TENM3: variants seen among roughly 807,000 people sequenced by gnomAD.
TENM3 encodes the protein teneurin-3.
Under a neutral mutation model 255.1 loss-of-function variants are expected in TENM3, and 63 were observed. The observed-to-expected ratio is 0.25, with a 90% CI of 0.20 to 0.30. The LOEUF (loss-of-function observed/expected upper bound fraction) is 0.30. Among genes scored for constraint, TENM3 ranks in the 10% least tolerant of loss-of-function variants. TENM3 has a pLI of 1.00. For synonymous variants in TENM3, 1,306 were observed against 1,322.3 expected (o/e 0.99, Z 0.27); for missense variants, 2,929 against 3,461.1 (o/e 0.85, Z 3.86).
the TENM3 span, among the ~76,000 whole-genome samples, chr4:181,676,213 G>A: frequency 3.3e-5 from 5 of 151,984 alleles, no homozygotes; most frequent in Non-Finnish European, 5.9e-5. Context: ...ATGCATACTG[G>A]CCTAAATTGC....
At chr4:182,071,330 T>C in the TENM3 span, among the ~76,000 whole-genome samples, 1 of 152,222 alleles carries the variant, frequency 6.6e-6, no homozygotes, top group Non-Finnish European at 1.5e-5. Flanking sequence ...TCTGCTCAGC[T>C]ACCTCCAGGA....
At chr4:181,752,059 G>A in the TENM3 span, among the ~76,000 whole-genome samples, 58,986 of 151,866 alleles carry the variant, frequency 0.39, 11,777 homozygotes, top group African/African-American at 0.49. Context: ...TTTTAAACTC[G>A]TTAGCTTAAA....
chr4:182,149,108 A>G (rs1458204793), intron 1 of TENM3, among the ~76,000 whole-genome samples: 1 of 152,130 alleles, frequency 6.6e-6, no homozygotes, highest in East Asian at 1.9e-4. Flanking sequence ...AAGGAAAAAA[A>G]CTTGATAAGA....
chr4:182,195,406 A>C (rs1270482354), intron 1 of TENM3, among the ~76,000 whole-genome samples: 1 of 152,136 alleles, frequency 6.6e-6, no homozygotes, highest in African/African-American at 2.4e-5. Context: ...TGGGAGGCCA[A>C]AGTGGGAGGA....
At chr4:181,467,353 T>G in the TENM3 span, among the ~76,000 whole-genome samples, 1 of 150,994 alleles carries the variant, frequency 6.6e-6, no homozygotes, top group African/African-American at 2.4e-5. Context: ...CAGGCTGGTC[T>G]TGAACTCCTG....
At chr4:181,527,572 G>A in the TENM3 span, among the ~76,000 whole-genome samples, 1 of 150,970 alleles carries the variant, frequency 6.6e-6, no homozygotes, top group Non-Finnish European at 1.5e-5. Flanking sequence ...TTTGGCCATG[G>A]CCAGGCTGGT....
chr4:182,158,030 A>G (rs1167120950), intron 1 of TENM3, among the ~76,000 whole-genome samples: 1 of 152,248 alleles, frequency 6.6e-6, no homozygotes, highest in Non-Finnish European at 1.5e-5. Context: ...ACTGTTAGAA[A>G]AACAACAGAG....
rs1743826047 is a variant in TENM3 at position 182,566,717 on chromosome 4, A to G, written c.512-34207A>G. On this transcript the variant is annotated intron_variant, in intron 3 of 27. Transcript: ENST00000511685. ...GGAATGTCATTATGCATTTACAAAG[A>G]TGCACACCTGTTTGGAATATGCCCT... 2.0e-5 allele frequency among the ~76,000 whole-genome samples: 3 copies of G among 152,198 alleles called. No individual in the cohort carries two copies. In the South Asian group the frequency reaches 6.2e-4, roughly 32 times the overall value.
At chr4:181,813,220 G>A in the TENM3 span, among the ~76,000 whole-genome samples, 10 of 152,214 alleles carry the variant, frequency 6.6e-5, no homozygotes, top group South Asian at 2.1e-3. Flanking sequence ...TGTAAGGGTA[G>A]CAATCCCATT....
the TENM3 span, among the ~76,000 whole-genome samples, chr4:181,954,707 G>A: frequency 2.0e-5 from 3 of 152,104 alleles, no homozygotes; most frequent in East Asian, 1.9e-4. Flanking sequence ...TAATTCTAAC[G>A]AATGTCAATT....
chr4:182,241,406 A>G (rs28376786), upstream of TENM3, among the ~76,000 whole-genome samples: 62,273 of 151,642 alleles, frequency 0.41, 15,256 homozygotes, highest in African/African-American at 0.69. Context: ...TGCCCCCTCT[A>G]CCTGGGCCCT....
intron 1 of TENM3, among the ~76,000 whole-genome samples, chr4:182,314,026 G>C (rs140474394): frequency 6.6e-6 from 1 of 152,106 alleles, no homozygotes; most frequent in African/African-American, 2.4e-5. Context: ...AAGAGGGCAC[G>C]GGCTGGCTGG....
At chr4:182,089,825 A>C in the TENM3 span, among the ~76,000 whole-genome samples, 1 of 152,268 alleles carries the variant, frequency 6.6e-6, no homozygotes, top group South Asian at 2.1e-4. Context: ...ATTAGTGTCC[A>C]TTACTAATTA....
the TENM3 span, among the ~76,000 whole-genome samples, chr4:182,039,251 G>A: frequency 3.3e-5 from 5 of 152,232 alleles, no homozygotes; most frequent in East Asian, 9.7e-4. Flanking sequence ...TTTTCTTTCA[G>A]TAGGGGAATA....
the TENM3 span, among the ~76,000 whole-genome samples, chr4:181,895,040 G>A: frequency 1.3e-4 from 20 of 151,992 alleles, no homozygotes; most frequent in East Asian, 3.9e-3. Context: ...TATTTATTCA[G>A]CAAGAATATT....
At chr4:182,502,234 C>T (rs903454430) in intron 3 of TENM3, among the ~76,000 whole-genome samples, 4 of 152,110 alleles carry the variant, frequency 2.6e-5, no homozygotes, top group African/African-American at 7.2e-5. Context: ...TTTAGGATGG[C>T]GACTTTGTTC....
chr4:182,096,373 C>T, the TENM3 span, among the ~76,000 whole-genome samples: 4 of 151,840 alleles, frequency 2.6e-5, no homozygotes, highest in African/African-American at 4.8e-5. Context: ...AGATAGGAAC[C>T]GATTTATCTT....
At chr4:182,067,179 A>G in the TENM3 span, among the ~76,000 whole-genome samples, 1 of 152,158 alleles carries the variant, frequency 6.6e-6, no homozygotes, top group South Asian at 2.1e-4. Flanking sequence ...GGCCGGCAGC[A>G]TTCCCTCCTT....
At chr4:181,893,493 C>CCCA in the TENM3 span, among the ~76,000 whole-genome samples, 2 of 89,602 alleles carry the variant, frequency 2.2e-5, no homozygotes, top group Non-Finnish European at 4.1e-5. Flanking sequence ...CCCTGCCCAC[C>CCCA]CCCCCCCCAC....
Sources: allele counts gnomAD v4.1 joint callset (sites outside exome capture counted in the v4.1 genomes callset), GRCh38; gene constraint gnomAD v4.1.1; transcripts MANE v1.5; gene names NCBI Gene and HGNC (gene_info 2026-07-23, HGNC 2026-07-21).